Variants in CHRM2 observed in about 807,000 individuals in gnomAD.
CHRM2 encodes the protein cholinergic receptor muscarinic 2.
Under a neutral mutation model 25.0 loss-of-function variants are expected in CHRM2, and 8 were observed. The ratio of observed to expected loss-of-function variants is 0.32; its 90% CI spans 0.19 to 0.58. CHRM2 has a LOEUF of 0.58. CHRM2 is among the 20% of genes least tolerant of loss of function. The pLI is 0.88. For missense variants in CHRM2, 440 were observed against 567.1 expected, an observed-to-expected ratio of 0.78 and a Z score of 2.28; for synonymous variants, 202 against 205.7, an observed-to-expected ratio of 0.98 and a Z score of 0.15.
At position 137,018,216 on chromosome 7, in the gene CHRM2, A is replaced by C. The variant is rs953089926; in HGVS notation, c.*1950A>C. 5 of 151,832 alleles carry C rather than the reference A, an allele frequency of 3.3e-5. No homozygotes were observed. The highest frequency in any genetic ancestry group is 7.4e-5 in the Non-Finnish European group (5 of 67,894). The allele number at this position is 151,832 out of a possible 1,614,324, so 9.4% of individuals were successfully genotyped here. A position where few individuals can be genotyped will look rare whatever the true frequency, so the allele number is the denominator to read the frequency against. Reference sequence around the variant, plus strand: ...AAAGCATGAGGGAAAAAAAAAACCAAAAAACTTATAAGTTAGTAAGAAGCA... The same window carrying C: ...AAAGCATGAGGGAAAAAAAAAACCACAAAACTTATAAGTTAGTAAGAAGCA... On this transcript the variant is annotated 3_prime_UTR_variant, in exon 4 of 4. Transcript: ENST00000680005.
chr7:136,949,041 A>G (rs1800233165), intron 2 of CHRM2, among the ~76,000 whole-genome samples: 1 of 152,236 alleles, frequency 6.6e-6, no homozygotes, highest in African/African-American at 2.4e-5. Flanking sequence ...TATCTAGAAC[A>G]GCAAACCAAA....
intron 2 of CHRM2, among the ~76,000 whole-genome samples, chr7:136,939,875 C>T (rs1799661833): frequency 6.6e-6 from 1 of 152,058 alleles, no homozygotes. Context: ...AAATTCATTG[C>T]CAGTTAAACA....
intron 2 of CHRM2, among the ~76,000 whole-genome samples, chr7:136,980,727 T>C (rs1377962694): frequency 1.3e-5 from 2 of 152,244 alleles, no homozygotes; most frequent in Admixed American, 1.3e-4. Flanking sequence ...TGGTTCTGTT[T>C]ATGAGATGGA....
chr7:136,872,361 G>C (rs1318427228), intron 2 of CHRM2, among the ~76,000 whole-genome samples: 1 of 152,182 alleles, frequency 6.6e-6, no homozygotes, highest in Non-Finnish European at 1.5e-5. Context: ...GTGAAATACT[G>C]GTAAAAGTCC....
chr7:136,992,115 T>C (rs552901062), intron 2 of CHRM2, 72 bp from the exon 3 acceptor site: 2 of 152,178 alleles, frequency 1.3e-5, no homozygotes, highest in Non-Finnish European at 2.9e-5. Context: ...AAGACTAATA[T>C]ACTCCATTTT....
intron 3 of CHRM2, among the ~76,000 whole-genome samples, chr7:136,994,043 A>C (rs1324886815): frequency 1.3e-5 from 2 of 152,178 alleles, no homozygotes; most frequent in East Asian, 3.9e-4. Flanking sequence ...ACATAAATGC[A>C]GAATACTAAC....
chr7:137,004,459 C>G (rs996672264), intron 3 of CHRM2, among the ~76,000 whole-genome samples: 1 of 152,000 alleles, frequency 6.6e-6, no homozygotes. Context: ...TTTGGAGAGT[C>G]TGGAGGTAAA....
chr7:136,994,375 T>C (rs901460561), intron 3 of CHRM2, among the ~76,000 whole-genome samples: 2 of 152,164 alleles, frequency 1.3e-5, no homozygotes, highest in Non-Finnish European at 2.9e-5. Flanking sequence ...TCATTAATAT[T>C]ATGACTTTGC....
intron 2 of CHRM2, among the ~76,000 whole-genome samples, chr7:136,878,210 T>C (rs545193955): frequency 1.3e-5 from 2 of 152,108 alleles, no homozygotes; most frequent in South Asian, 2.1e-4. Context: ...AGGGAGAAGA[T>C]AAAGAGCAGC....
rs56665437 is a variant in CHRM2 at position 136,875,707 on chromosome 7, G to T, written c.-125+6289G>T. 3.4e-3 allele frequency among the ~76,000 whole-genome samples: 512 copies of T among 152,268 alleles called. 2 individuals carry two copies. The highest frequency in any genetic ancestry group is 0.012 in the African/African-American group (493 of 41,554). ...CTCAACAGTCTAGGATAAACCCTGA[G>T]ATCAAACCCATGTGAGAGCTTCCAT... On this transcript the variant is annotated intron_variant, in intron 2 of 3. Coordinates refer to ENST00000680005, the MANE Select transcript of CHRM2 (RefSeq NM_001006630.2).
At position 136,971,605 on chromosome 7, in the gene CHRM2, A is replaced by G. The variant is rs184888322; in HGVS notation, c.-124-20582A>G. Among the ~76,000 whole-genome samples the G allele has an allele frequency of 7.0e-4, 101 of 143,900 alleles. 1 individual carries two copies. Among genetic ancestry groups the G allele is most frequent in the African/African-American group, 2.1e-3 (82 of 38,794 alleles). 94.4% of individuals were successfully genotyped at this position (143,900 alleles called of 152,430 possible). On this transcript the variant is annotated intron_variant, in intron 2 of 3. Coordinates refer to ENST00000680005, the MANE Select transcript of CHRM2 (RefSeq NM_001006630.2). ...GCACTCCAGCCTGGGTGACAGAGTA[A>G]GACTCTGTTTCACAAAAAAAAAAAA...
intron 2 of CHRM2, among the ~76,000 whole-genome samples, chr7:136,923,312 G>A (rs1393257756): frequency 6.8e-6 from 1 of 147,024 alleles, no homozygotes; most frequent in Non-Finnish European, 1.5e-5. Flanking sequence ...AAATTCCCAA[G>A]CCAGATTTTG....
chr7:136,894,180 C>T (rs1483880957), intron 2 of CHRM2, among the ~76,000 whole-genome samples: 1 of 152,058 alleles, frequency 6.6e-6, no homozygotes, highest in African/African-American at 2.4e-5. Context: ...AAAACAGAAG[C>T]GTCTGATCTC....
chr7:136,879,019 G>T (rs753400224), intron 2 of CHRM2, among the ~76,000 whole-genome samples: 1 of 151,888 alleles, frequency 6.6e-6, no homozygotes, highest in Non-Finnish European at 1.5e-5. Flanking sequence ...CATGGTAAAG[G>T]AATCAGTCTT....
At chr7:136,959,505 T>C (rs547937132) in intron 2 of CHRM2, among the ~76,000 whole-genome samples, 17 of 152,328 alleles carry the variant, frequency 1.1e-4, no homozygotes, top group African/African-American at 3.8e-4. Context: ...AGTTTAAAAG[T>C]AGCCACAGAA....
intron 2 of CHRM2, among the ~76,000 whole-genome samples, chr7:136,905,972 T>C (rs1311114434): frequency 1.3e-5 from 2 of 151,316 alleles, no homozygotes; most frequent in African/African-American, 2.4e-5. Context: ...CAAATTAGCA[T>C]TTGTTTATTT....
chr7:136,929,560 C>T (rs1798942231), intron 2 of CHRM2, among the ~76,000 whole-genome samples: 1 of 152,104 alleles, frequency 6.6e-6, no homozygotes. Flanking sequence ...TTTCTCCCTC[C>T]TTCTTGCCAC....
chr7:136,883,284 G>C (rs933149319), intron 2 of CHRM2, among the ~76,000 whole-genome samples: 28 of 152,108 alleles, frequency 1.8e-4, no homozygotes, highest in Admixed American at 1.8e-3. Flanking sequence ...GTCTCCCAAA[G>C]GGTACTACAG....
intron 2 of CHRM2, among the ~76,000 whole-genome samples, chr7:136,986,203 G>A (rs995628260): frequency 6.6e-6 from 1 of 152,068 alleles, no homozygotes; most frequent in Non-Finnish European, 1.5e-5. Context: ...CTTTAAAGTT[G>A]AACCCATGAC....
Sources: allele counts gnomAD v4.1 joint callset (sites outside exome capture counted in the v4.1 genomes callset), GRCh38; gene constraint gnomAD v4.1.1; transcripts MANE v1.5; gene names NCBI Gene and HGNC (gene_info 2026-07-23, HGNC 2026-07-21).